The following DDX46 variants were observed in gnomAD, a reference collection of about 807,000 sequenced individuals.
DDX46 encodes the protein probable ATP-dependent RNA helicase DDX46.
In DDX46, 30 loss-of-function variants were observed where a neutral mutation model predicts 134.9. The observed-to-expected ratio is 0.22, with a 90% confidence interval of 0.17 to 0.30. DDX46 has a LOEUF of 0.30. Ranked by LOEUF, DDX46 falls within the 10% of genes least tolerant of loss-of-function variation. The probability of loss-of-function intolerance (pLI) is 1.00; values close to 1 mark genes in which losing one functional copy is unlikely to be tolerated. For synonymous variants in DDX46, 415 were observed against 404.1 expected (o/e 1.03, Z -0.32); for missense variants, 622 against 1,248.7 (o/e 0.50, Z 7.56).
At chr5:134,768,629 A>G (rs1753657224) in intron 3 of DDX46, among the ~76,000 whole-genome samples, 1 of 150,872 alleles carries the variant, frequency 6.6e-6, no homozygotes, top group Admixed American at 6.6e-5. Flanking sequence ...AAAAAGCACC[A>G]ATTATAAAGG....
rs1011006724 is a variant in DDX46, at chr5:134,827,097, CAA to C, written c.3051+79_3051+80del. 7.9e-6 allele frequency: 11 copies of C among 1,390,658 alleles called. No individual in the cohort carries two copies. In the African/African-American group the frequency reaches 1.6e-4, roughly 20 times the overall value. 86.1% of individuals were successfully genotyped at this position (1,390,658 alleles called of 1,614,324 possible). On this transcript the variant is annotated intron_variant, in intron 22 of 22. Transcript: ENST00000452510. ...TGAAATATAAATACAGAGAAGTACT[CAA>C]ATCATAAACATATAGTTTGATGAAT...
intron 21 of DDX46, among the ~76,000 whole-genome samples, chr5:134,820,806 T>C (rs1029365641): frequency 3.9e-5 from 6 of 152,104 alleles, no homozygotes; most frequent in Non-Finnish European, 8.8e-5. Context: ...ATGCCTGCAT[T>C]ATAAAAGATC....
At position 134,770,918 on chromosome 5, in the gene DDX46, G is replaced by C; in HGVS notation, c.366G>C (p.Glu122Asp). Residue 122 changes from glutamate to aspartate, a missense_variant, in exon 4 of 23, where the codon GAG becomes GAC. Physicochemically the swap from Glu to Asp is conservative, Grantham distance 45 (BLOSUM62 2). Transcript: ENST00000452510. ...KKTENRSRSK[E>D]KTDGGESSKE... ...TTTTTGGTAGATCTAGGTCCAAAGA[G>C]AAAACTGATGGTGGGGAAAGTTCTA... is the stretch of plus-strand genomic sequence containing the variant. 1.3e-6 allele frequency: 2 copies of C among 1,585,358 alleles called. No homozygotes were observed. Among genetic ancestry groups the C allele is most frequent in the South Asian group, 1.2e-5 (1 of 84,300 alleles).
chr5:134,807,692 G>C (rs1755031096), intron 15 of DDX46, 56 bp from the exon 16 acceptor site: 1 of 1,500,170 alleles, frequency 6.7e-7, no homozygotes, highest in Non-Finnish European at 9.0e-7. Flanking sequence ...TTCTTGGTCA[G>C]AAGACATGGA....
intron 21 of DDX46, chr5:134,826,111 A>G (rs530980457): frequency 6.6e-6 from 1 of 152,344 alleles, no homozygotes; most frequent in East Asian, 1.9e-4. Flanking sequence ...TGTGCCTTTC[A>G]GAGTCAGGAA....
At chr5:134,764,142 C>CG in intron 2 of DDX46, 50 bp downstream of exon 2, 1 of 1,539,726 alleles carries the variant, frequency 6.5e-7, no homozygotes, top group Non-Finnish European at 8.8e-7. Context: ...TGGGCCTTCT[C>CG]GGCTATAGCA....
rs1163173313 is a variant in DDX46, at chr5:134,785,340, G to A, written c.1343-125G>A. 80 of 1,160,134 alleles carry A rather than the reference G, an allele frequency of 6.9e-5. 1 individual carries two copies. The highest frequency in any genetic ancestry group is 8.7e-5 in the Non-Finnish European group (76 of 875,894). 71.9% of individuals were successfully genotyped at this position (1,160,134 alleles called of 1,614,324 possible). On this transcript the variant is annotated intron_variant, in intron 10 of 22. Transcript: ENST00000452510. ...TACAACTTTTGAAATAGTTTTCAGG[G>A]ATGCATAACAAAACAAAAATTAGGT...
intron 21 of DDX46, 154 bp from the exon 22 acceptor site, chr5:134,826,793 G>A: frequency 3.4e-6 from 2 of 592,220 alleles, no homozygotes; most frequent in East Asian, 3.0e-5. Flanking sequence ...ATATAATGTG[G>A]GTAATGTTCC....
intron 13 of DDX46, among the ~76,000 whole-genome samples, chr5:134,791,356 C>G (rs996508594): frequency 6.6e-6 from 1 of 152,068 alleles, no homozygotes; most frequent in Non-Finnish European, 1.5e-5. Flanking sequence ...GTCAGGAGAT[C>G]GAGACCATCC....
chr5:134,788,358 T>C (rs1366492994), intron 11 of DDX46, among the ~76,000 whole-genome samples, 155 bp from the exon 12 acceptor site: 1 of 152,202 alleles, frequency 6.6e-6, no homozygotes, highest in African/African-American at 2.4e-5. Flanking sequence ...GTGGTCACGT[T>C]GTTGCTATTT....
At chr5:134,775,542 C>G (rs536103748) in intron 5 of DDX46, among the ~76,000 whole-genome samples, 1 of 152,166 alleles carries the variant, frequency 6.6e-6, no homozygotes, top group African/African-American at 2.4e-5. Flanking sequence ...TCCTGAGTAG[C>G]TGGGATTACA....
At chr5:134,767,819 G>A (rs746144867) in intron 3 of DDX46, among the ~76,000 whole-genome samples, 13 of 151,640 alleles carry the variant, frequency 8.6e-5, no homozygotes, top group Admixed American at 2.0e-4. Flanking sequence ...GCGTGGTGGC[G>A]TATGCCTGTA....
chr5:134,777,729 T>A lies in DDX46; in HGVS notation c.765+4T>A. The A allele has an allele frequency of 6.3e-7, 1 of 1,594,188 alleles. No homozygotes were observed. The highest frequency in any genetic ancestry group is 8.5e-7 in the Non-Finnish European group (1 of 1,173,938). ...AGGTGGTGGGGGAAATGAAAAGGTA[T>A]GGAATTTCTTATTTTTAAAGATTTC... On this transcript the variant is annotated splice_donor_region_variant and intron_variant, in intron 6 of 22. Coordinates refer to ENST00000452510, the MANE Select transcript of DDX46 (RefSeq NM_001300860.2).
At chr5:134,828,566 TGGGTTTGTTTG>T in intron 22 of DDX46, 82 bp from the exon 23 acceptor site, 1 of 762,358 alleles carries the variant, frequency 1.3e-6, no homozygotes, top group Non-Finnish European at 1.9e-6. Context: ...TATTTCCTTT[TGGGTTTGTTTG>T]GTTGGTTGGT....
In DDX46 at chr5:134,768,318, G is replaced by A. The variant is rs191801053; in HGVS notation, c.350+1258G>A. ...GTAGAGATGGGGTTTCACCGTGTTA[G>A]CCAGAATGGTCTCGATCTCCTGATC... On this transcript the variant is annotated intron_variant, in intron 3 of 22. Coordinates refer to ENST00000452510, the MANE Select transcript of DDX46 (RefSeq NM_001300860.2). Among the ~76,000 whole-genome samples, 4 of 151,810 alleles carry A rather than the reference G, an allele frequency of 2.6e-5. No homozygotes were observed. In the Admixed American group the frequency reaches 2.6e-4, roughly 10 times the overall value.
At chr5:134,782,799 C>T in intron 8 of DDX46, 146 bp from the exon 9 acceptor site, 1 of 974,632 alleles carries the variant, frequency 1.0e-6, no homozygotes. Flanking sequence ...CGTCTGTCTC[C>T]CAAAGTGCTA....
Position 134,816,851 on chromosome 5 carries a change from A to T in DDX46, c.2613+245A>T, listed in dbSNP as rs1755299515. 9.1e-6 allele frequency: 4 copies of T among 441,136 alleles called. No individual in the cohort carries two copies. The South Asian group carries it at 1.1e-4, about 13-fold the overall frequency. 27.3% of individuals were successfully genotyped at this position (441,136 alleles called of 1,614,324 possible). A position where few individuals can be genotyped will look rare whatever the true frequency, so the allele number is the denominator to read the frequency against. On this transcript the variant is annotated intron_variant, in intron 19 of 22. Coordinates refer to ENST00000452510, the MANE Select transcript of DDX46 (RefSeq NM_001300860.2). ...GCCACTGGTAGTTTTATAGGGTAGT[A>T]TTCTGATGAGTCTTAACAAAATCTT...
At position 134,828,969 on chromosome 5, in the gene DDX46, A is replaced by G; in HGVS notation, c.*263A>G. The stretch of plus-strand genomic sequence containing the variant: ...ATATCAATATTTTAAATGTCCGGAT[A>G]ATATTCTAGAGGTTTAAAAAATGGA... On this transcript the variant is annotated 3_prime_UTR_variant, in exon 23 of 23. Transcript: ENST00000452510. 3.6e-6 allele frequency: 1 copy of G among 277,702 alleles called. No individual in the cohort carries two copies. Among genetic ancestry groups the G allele is most frequent in the Non-Finnish European group, 6.6e-6 (1 of 150,384 alleles). 17.2% of individuals were successfully genotyped at this position (277,702 alleles called of 1,614,324 possible). A position where few individuals can be genotyped will look rare whatever the true frequency, so the allele number is the denominator to read the frequency against.
At chr5:134,765,558 A>AC (rs1753542756) in intron 2 of DDX46, among the ~76,000 whole-genome samples, 1 of 151,940 alleles carries the variant, frequency 6.6e-6, no homozygotes, top group Non-Finnish European at 1.5e-5. Flanking sequence ...ATCTCAAAAC[A>AC]GAAAAAAAGA....
Sources: allele counts gnomAD v4.1 joint callset (sites outside exome capture counted in the v4.1 genomes callset), GRCh38; gene constraint gnomAD v4.1.1; transcripts MANE v1.5; gene names NCBI Gene and HGNC (gene_info 2026-07-23, HGNC 2026-07-21).